The following INTS4 variants were observed in gnomAD, a reference collection of about 807,000 sequenced individuals.
INTS4 encodes the protein integrator complex subunit 4.
Under a neutral mutation model 119.5 loss-of-function variants are expected in INTS4, and 70 were observed. The observed-to-expected ratio is 0.59, with a 90% confidence interval of 0.48 to 0.71. INTS4 has a LOEUF of 0.71. Among genes scored for constraint, INTS4 ranks in the 30% least tolerant of loss-of-function variants. INTS4 has a pLI of 0.00. For synonymous variants in INTS4, 316 were observed against 419.6 expected (o/e 0.75, Z 3.02); for missense variants, 867 against 1,173.2 (o/e 0.74, Z 3.81).
chr11:77,910,525 T>A (rs1025461397), intron 15 of INTS4, among the ~76,000 whole-genome samples: 1 of 151,720 alleles, frequency 6.6e-6, no homozygotes, highest in African/African-American at 2.4e-5. Context: ...CACACCAACA[T>A]GGCACATGTA....
In INTS4 at chr11:77,911,487, T is replaced by A. The variant is rs531366895; in HGVS notation, c.1923-3677A>T. Among the ~76,000 whole-genome samples the A allele has an allele frequency of 1.2e-3, 188 of 152,358 alleles. 4 individuals carry two copies. The South Asian group carries it at 0.038, about 31-fold the overall frequency. ...ATACAGAATACAGACCAACTGACTG[T>A]ACATTAACTAACTGATTCCAAATGT... is the stretch of plus-strand genomic sequence containing the variant. On this transcript the variant is annotated intron_variant, in intron 15 of 22. Transcript: ENST00000534064.
intron 4 of INTS4, among the ~76,000 whole-genome samples, chr11:77,964,312 A>G (rs1855388354): frequency 6.6e-6 from 1 of 152,162 alleles, no homozygotes; most frequent in African/African-American, 2.4e-5. Flanking sequence ...TCACACCTGT[A>G]ATCCTAGCAC....
At position 77,938,348 on chromosome 11, in the gene INTS4, C is replaced by T. The variant is rs1298657322; in HGVS notation, c.1165+303G>A. Among the ~76,000 whole-genome samples the T allele has an allele frequency of 1.3e-4, 20 of 152,224 alleles. No individual in the cohort carries two copies. In the South Asian group the frequency reaches 3.9e-3, roughly 30 times the overall value. ...ATAGGCACGTGTATTATGCCAAGTGCTTTATGTATACAGAACCTCATTTAA... is the reference window on the plus strand; with the variant it reads ...ATAGGCACGTGTATTATGCCAAGTGTTTTATGTATACAGAACCTCATTTAA... On this transcript the variant is annotated intron_variant, in intron 10 of 22. Coordinates refer to ENST00000534064, the MANE Select transcript of INTS4 (RefSeq NM_033547.4).
chr11:77,920,233 A>G (rs1953317103), intron 14 of INTS4, among the ~76,000 whole-genome samples: 1 of 28,568 alleles, frequency 3.5e-5, no homozygotes, highest in Non-Finnish European at 6.4e-5. Context: ...ATATACATAC[A>G]TATATACATA....
intron 10 of INTS4, among the ~76,000 whole-genome samples, chr11:77,934,024 A>G (rs1183349567): frequency 7.6e-6 from 1 of 132,282 alleles, no homozygotes; most frequent in Non-Finnish European, 1.6e-5. Context: ...TGGACTTAGG[A>G]GACTCCATTT....
Position 77,891,307 on chromosome 11 carries a change from A to C in INTS4, c.2592+12T>G. 1 of 1,608,510 alleles carries C rather than the reference A, an allele frequency of 6.2e-7. No homozygotes were observed. The highest frequency in any genetic ancestry group is 2.2e-5 in the East Asian group (1 of 44,712). On this transcript the variant is annotated intron_variant, in intron 21 of 22. Coordinates refer to ENST00000534064, the MANE Select transcript of INTS4 (RefSeq NM_033547.4). ...AGTCTAGAAGCTCCATGAGGACCCA[A>C]ACCCGACAGACCTGGACCTTAACAG...
intron 21 of INTS4, among the ~76,000 whole-genome samples, chr11:77,884,444 T>C (rs894144529): frequency 6.6e-6 from 1 of 152,138 alleles, no homozygotes; most frequent in Admixed American, 6.5e-5. Flanking sequence ...CACTGGCCAG[T>C]TCTTTAAGGC....
At chr11:77,938,514 A>C in intron 10 of INTS4, 137 bp downstream of exon 10, 1 of 902,714 alleles carries the variant, frequency 1.1e-6, no homozygotes, top group Non-Finnish European at 1.6e-6. Context: ...TCTGTGTGTA[A>C]AATAAAAAGC....
chr11:77,974,396 C>T (rs1263215167), intron 4 of INTS4, among the ~76,000 whole-genome samples: 1 of 151,592 alleles, frequency 6.6e-6, no homozygotes, highest in Non-Finnish European at 1.5e-5. Context: ...GCACGCACCA[C>T]CATACCCGAC....
intron 15 of INTS4, 152 bp downstream of exon 15, chr11:77,918,669 T>A: frequency 1.0e-6 from 1 of 969,154 alleles, no homozygotes; most frequent in South Asian, 2.2e-5. Flanking sequence ...CAAACCACAA[T>A]CTAATCCAAA....
At position 77,961,992 on chromosome 11, in the gene INTS4, T is replaced by C. The variant is rs117160798; in HGVS notation, c.472-854A>G. ...GATATATATGTAGAAGTAGAATTGA[T>C]AGGTAACAAGACATGCTTCAGCTTA... is the stretch of plus-strand genomic sequence containing the variant. On this transcript the variant is annotated intron_variant, in intron 4 of 22. Coordinates refer to ENST00000534064, the MANE Select transcript of INTS4 (RefSeq NM_033547.4). Among the ~76,000 whole-genome samples the C allele has an allele frequency of 3.0e-3, 450 of 152,328 alleles. 1 individual carries two copies. The highest frequency in any genetic ancestry group is 6.5e-3 in the Admixed American group (100 of 15,300).
At chr11:77,986,408 C>T (rs1356249753) in intron 2 of INTS4, among the ~76,000 whole-genome samples, 1 of 152,106 alleles carries the variant, frequency 6.6e-6, no homozygotes, top group African/African-American at 2.4e-5. Context: ...ATTAGTTCAA[C>T]CATTGTGGAA....
chr11:77,961,001 G>A lies in INTS4; in HGVS notation c.609C>T (p.Tyr203=), dbSNP rs762644302. 1.2e-6 allele frequency: 2 copies of A among 1,613,626 alleles called. No individual in the cohort carries two copies. The highest frequency in any genetic ancestry group is 1.1e-5 in the South Asian group (1 of 90,952). ...ARDVQKIIGD[Y]FSDQDPRVRT... is the part of the protein sequence containing the mutation. ...TGACACGTGGGTCTTGGTCACTGAAGTAATCCCCTATAATCTTCTGGACAT... is the reference window on the plus strand; with the variant it reads ...TGACACGTGGGTCTTGGTCACTGAAATAATCCCCTATAATCTTCTGGACAT... Residue 203 remains tyrosine (Y), a synonymous_variant, in exon 5 of 23, where the codon TAC becomes TAT. Transcript: ENST00000534064.
intron 21 of INTS4, among the ~76,000 whole-genome samples, chr11:77,888,535 C>T (rs1019479835): frequency 9.8e-5 from 15 of 152,322 alleles, no homozygotes; most frequent in Middle Eastern, 3.4e-3. Flanking sequence ...ATGTCTAAAA[C>T]AGCAAAAGCA....
At chr11:77,976,333 C>T (rs577872809) in intron 4 of INTS4, among the ~76,000 whole-genome samples, 8 of 152,164 alleles carry the variant, frequency 5.3e-5, no homozygotes, top group East Asian at 1.9e-4. Context: ...CACGTAATCT[C>T]GGGCAACATA....
chr11:77,986,791 A>T (rs909979393), intron 2 of INTS4, among the ~76,000 whole-genome samples: 8 of 151,848 alleles, frequency 5.3e-5, no homozygotes, highest in Admixed American at 2.6e-4. Context: ...GAACAGTGAG[A>T]ACACTTGGAC....
rs1461437289 is a variant in INTS4 at position 77,928,572 on chromosome 11, G to A, written c.1166-25C>T. Reference sequence around the variant, plus strand: ...TCTAGAAAAAAGAACAAATGAAATTGCACATCAGGCTGGGCACAGTGGCTC... The same window carrying A: ...TCTAGAAAAAAGAACAAATGAAATTACACATCAGGCTGGGCACAGTGGCTC... On this transcript the variant is annotated intron_variant, in intron 10 of 22. Coordinates refer to ENST00000534064, the MANE Select transcript of INTS4 (RefSeq NM_033547.4). The A allele has an allele frequency of 1.2e-5, 19 of 1,548,704 alleles. No homozygotes were observed. In the Admixed American group the frequency reaches 3.7e-4, roughly 30 times the overall value.
intron 12 of INTS4, chr11:77,924,446 A>G (rs1261405763): frequency 4.1e-6 from 1 of 242,094 alleles, no homozygotes; most frequent in African/African-American, 2.2e-5. Flanking sequence ...GAGAAAGAGG[A>G]AATCTAATTA....
At chr11:77,915,731 C>A (rs60654121) in intron 15 of INTS4, among the ~76,000 whole-genome samples, 1 of 152,182 alleles carries the variant, frequency 6.6e-6, no homozygotes, top group African/African-American at 2.4e-5. Flanking sequence ...CTCACTCACT[C>A]GTGGTATTCC....
Sources: gnomAD v4.1 joint callset for allele counts (sites outside exome capture counted in the v4.1 genomes callset) on GRCh38, gnomAD v4.1.1 for gene constraint, MANE v1.5 for transcripts, NCBI Gene and HGNC (gene_info 2026-07-23, HGNC 2026-07-21) for gene names.